HERC1: variants seen among roughly 807,000 people sequenced by gnomAD.
HERC1 encodes the protein HECT and RLD domain containing E3 ubiquitin protein ligase family member 1, also known as probable E3 ubiquitin-protein ligase HERC1.
In HERC1, 160 loss-of-function variants were observed where a neutral mutation model predicts 554.3. That is an observed-to-expected ratio of 0.29 (90% confidence interval 0.25 to 0.33). The LOEUF (loss-of-function observed/expected upper bound fraction) is 0.33, where lower values mean the gene tolerates loss of function less well. HERC1 is among the 10% of genes least tolerant of loss of function. The pLI, the probability that HERC1 is intolerant of heterozygous loss-of-function variation, is 1.00. For missense variants in HERC1, 4,919 were observed against 5,918.5 expected, an observed-to-expected ratio of 0.83 and a Z score of 5.54; for synonymous variants, 2,175 against 2,131.7, an observed-to-expected ratio of 1.02 and a Z score of -0.56.
At position 63,735,174 on chromosome 15, in the gene HERC1, G is replaced by T. The variant is rs74019003; in HGVS notation, c.2521-325C>A. Among the ~76,000 whole-genome samples the T allele has an allele frequency of 0.03, 4,508 of 152,182 alleles. 234 individuals carry two copies. The highest frequency in any genetic ancestry group is 0.1 in the African/African-American group (4,333 of 41,502). ...AAATCTCTGCTTTCATGAGCCTACA[G>T]TCTAATGGGAAAGAAAGACCCTGAG... On this transcript the variant is annotated intron_variant, in intron 12 of 77. Coordinates refer to ENST00000443617, the MANE Select transcript of HERC1 (RefSeq NM_003922.4).
chr15:63,798,383 T>C (rs904410601), intron 1 of HERC1, among the ~76,000 whole-genome samples: 1 of 152,136 alleles, frequency 6.6e-6, no homozygotes, highest in Non-Finnish European at 1.5e-5. Flanking sequence ...TTAAAGTGTT[T>C]TCCAGGTAAT....
At chr15:63,654,396 A>C (rs953809492) in intron 50 of HERC1, 72 bp from the exon 51 acceptor site, 6 of 1,152,144 alleles carry the variant, frequency 5.2e-6, no homozygotes, top group African/African-American at 1.5e-5. Flanking sequence ...AAAACATGAA[A>C]TGATGCTCAG....
chr15:63,628,603 C>A (rs1219957963), intron 70 of HERC1, 74 bp downstream of exon 70: 4 of 1,439,232 alleles, frequency 2.8e-6, no homozygotes, highest in Non-Finnish European at 3.7e-6. Flanking sequence ...CAGTTGGGAA[C>A]TGGCAAGCAG....
At chr15:63,832,833 AAATG>A (rs2078203196) in intron 1 of HERC1, among the ~76,000 whole-genome samples, 6 of 152,258 alleles carry the variant, frequency 3.9e-5, no homozygotes, top group Non-Finnish European at 8.8e-5. Flanking sequence ...GGATAAAAAA[AAATG>A]TGTCTGTTAG....
rs868546885 is a variant in HERC1, at chr15:63,636,146, G to A, written c.12233-4C>T. 6.2e-7 allele frequency: 1 copy of A among 1,612,698 alleles called. No individual in the cohort carries two copies. The highest frequency in any genetic ancestry group is 8.5e-7 in the Non-Finnish European group (1 of 1,179,384). ...ACCAGCTGGGTCACCACAAAGCCTG[G>A]AACAGAACAGAAACCCAACAGGAGT... On this transcript the variant is annotated splice_region_variant and splice_polypyrimidine_tract_variant and intron_variant, in intron 64 of 77. Transcript: ENST00000443617.
chr15:63,806,799 T>G (rs1455205907), intron 1 of HERC1, among the ~76,000 whole-genome samples: 1 of 152,256 alleles, frequency 6.6e-6, no homozygotes, highest in Non-Finnish European at 1.5e-5. Context: ...CGAGACAGTC[T>G]TGCTCTGTCA....
At chr15:63,674,070 A>G (rs1018120343) in intron 38 of HERC1, among the ~76,000 whole-genome samples, 2 of 152,286 alleles carry the variant, frequency 1.3e-5, no homozygotes, top group South Asian at 2.1e-4. Flanking sequence ...TTTTTTTGGT[A>G]TAAGTTAAAT....
In HERC1 at chr15:63,694,423, G is replaced by T. The variant is rs1281642529; in HGVS notation, c.5369C>A (p.Thr1790Asn). The T allele has an allele frequency of 6.2e-7, 1 of 1,613,942 alleles. No homozygotes were observed. The highest frequency in any genetic ancestry group is 1.7e-5 in the Admixed American group (1 of 60,016). ...CAACTGCAGGGGCTGTCCTAGCATG[G>T]TGTCTGTACCACACAACTGTGACAA... ...NVLSQLCGTD[T>N]MLGQPLQLLP... Residue 1790 changes from threonine (T) to asparagine (N), a missense_variant, in exon 29 of 78, where the codon ACC (threonine) becomes AAC (asparagine). By Grantham distance (65) the Thr-to-Asn change is moderately conservative. Around this residue, in one of 11 missense-constraint regions of HERC1, gnomAD observed 1,121 missense variants for 1,244.0 expected, o/e 0.90. Transcript: ENST00000443617. This position sits in a 1 kb window ranked among gnomAD's most constrained non-coding sequence, Gnocchi z 4.3.
At chr15:63,829,557 G>GTATATA (rs1195924774) in intron 1 of HERC1, among the ~76,000 whole-genome samples, 1 of 66,234 alleles carries the variant, frequency 1.5e-5, no homozygotes, top group Non-Finnish European at 3.3e-5. Flanking sequence ...GTGTGTGTGT[G>GTATATA]TGTGTATATA....
rs1215305971 is a variant in HERC1 at position 63,758,289 on chromosome 15, G to A, written c.1107C>T (p.Ser369=). Residue 369 remains serine (S), a synonymous_variant, in exon 4 of 78, where the codon TCC becomes TCT. Transcript: ENST00000443617. This position sits in a 1 kb window ranked among gnomAD's most constrained non-coding sequence, Gnocchi z 4.0. ...SIQTGDAPIV[S]ETCEVYVWGS... is the part of the protein sequence containing the mutation. ...CCCAAACATAAACCTCACAGGTTTC[G>A]GAGACAATGGGAGCATCACCAGTCT... The A allele has an allele frequency of 6.8e-6, 11 of 1,613,328 alleles. No homozygotes were observed. Among genetic ancestry groups the A allele is most frequent in the Admixed American group, 1.7e-5 (1 of 59,954 alleles).
At chr15:63,615,470 C>T (rs1294890408) in intron 76 of HERC1, among the ~76,000 whole-genome samples, 3 of 152,126 alleles carry the variant, frequency 2.0e-5, no homozygotes, top group East Asian at 1.9e-4. Flanking sequence ...ATTAGCTAGG[C>T]GTGGTGACAC....
In HERC1 at chr15:63,755,155, C is replaced by T. The variant is rs573380157; in HGVS notation, c.1630+74G>A. ...GACAGTCTTTGGCCTAGTAAATCTG[C>T]TCTCACGGCTTCTCAGTAACTTAAT... On this transcript the variant is annotated intron_variant, in intron 6 of 77. Transcript: ENST00000443617. 78 of 985,312 alleles carry T rather than the reference C, an allele frequency of 7.9e-5. No homozygotes were observed. The African/African-American group carries it at 1.1e-3, about 14-fold the overall frequency. The allele number at this position is 985,312 out of a possible 1,614,324, so 61.0% of individuals were successfully genotyped here.
At position 63,674,749 on chromosome 15, in the gene HERC1, T is replaced by C. The variant is rs2071109550; in HGVS notation, c.7439A>G (p.Gln2480Arg). 6.2e-7 allele frequency: 1 copy of C among 1,613,892 alleles called. No individual in the cohort carries two copies. The highest frequency in any genetic ancestry group is 8.5e-7 in the Non-Finnish European group (1 of 1,179,858). The change falls in exon 38 of 78, where the codon CAA becomes CGA. Residue 2480 changes from glutamine (Q) to arginine (R), a missense_variant. Around this residue, in one of 11 missense-constraint regions of HERC1, gnomAD observed 1,963 missense variants for 2,228.6 expected, o/e 0.88. Coordinates refer to ENST00000443617, the MANE Select transcript of HERC1 (RefSeq NM_003922.4). ...ATTTTTTCTTTTCCCTTCTGTTATT[T>C]GATGTTGGGATTCCACACTTGGCAG... Reference protein sequence around the residue: ...PTLPSVESQHQITEGKRKNHE... With the variant: ...PTLPSVESQHRITEGKRKNHE...
chr15:63,764,218 G>C, intron 2 of HERC1, 27 bp from the exon 3 acceptor site: 1 of 1,484,676 alleles, frequency 6.7e-7, no homozygotes. Context: ...GCGGGACACA[G>C]CGTAGGAAGG....
intron 69 of HERC1, 74 bp from the exon 70 acceptor site, chr15:63,628,889 T>C (rs1319688070): frequency 2.1e-6 from 3 of 1,432,740 alleles, no homozygotes; most frequent in South Asian, 1.3e-5. Context: ...AAATTTTTCT[T>C]AGATGGTGGC....
chr15:63,795,065 CAAAAAAAAA>C (rs1177647525), intron 1 of HERC1, among the ~76,000 whole-genome samples: 2 of 68,970 alleles, frequency 2.9e-5, no homozygotes, highest in Non-Finnish European at 5.1e-5. Context: ...GACTCTGTCT[CAAAAAAAAA>C]AAAAAAAAAA....
At chr15:63,723,771 A>T (rs1187991387) in intron 18 of HERC1, among the ~76,000 whole-genome samples, 2 of 152,164 alleles carry the variant, frequency 1.3e-5, no homozygotes, top group Admixed American at 1.3e-4. Flanking sequence ...ATGCGACTAG[A>T]CCTTTTTTTA....
chr15:63,616,141 C>G (rs371842557), intron 75 of HERC1, among the ~76,000 whole-genome samples: 1 of 152,162 alleles, frequency 6.6e-6, no homozygotes, highest in African/African-American at 2.4e-5. Context: ...GTTCACAAAC[C>G]AAGCCTGTTG....
Position 63,749,565 on chromosome 15 carries a change from TA to T in HERC1, c.2048-28del. 6.3e-7 allele frequency: 1 copy of T among 1,577,808 alleles called. No homozygotes were observed. The highest frequency in any genetic ancestry group is 8.6e-7 in the Non-Finnish European group (1 of 1,163,680). On this transcript the variant is annotated intron_variant, in intron 9 of 77. Transcript: ENST00000443617. This position sits in a 1 kb window ranked among gnomAD's most constrained non-coding sequence, Gnocchi z 4.1. ...TAAAAACAAAATATAAAGTATTATA[TA>T]AAAGAAAAGCCAAATTCAAATGTAA...
Sources: allele counts gnomAD v4.1 joint callset (sites outside exome capture counted in the v4.1 genomes callset), GRCh38; gene constraint gnomAD v4.1.1; regional missense constraint gnomAD v4.1.1; non-coding constraint Gnocchi (gnomAD v3.1); transcripts MANE v1.5; gene names NCBI Gene and HGNC (gene_info 2026-07-23, HGNC 2026-07-21).